The following VRK2 variants were observed in gnomAD, a reference collection of about 807,000 sequenced individuals.
The protein encoded by VRK2 is VRK serine/threonine kinase 2.
VRK2 carries 60 observed loss-of-function variants against 57.6 expected under a neutral mutation model. That is an observed-to-expected ratio of 1.04 (90% CI 0.85 to 1.29). The LOEUF is 1.29. Among genes scored for constraint, VRK2 ranks in the 50% most tolerant of loss-of-function variants. VRK2 has a pLI of 0.00. For synonymous variants in VRK2, 231 were observed against 199.2 expected, an observed-to-expected ratio of 1.16 and a Z score of -1.35; for missense variants, 705 against 588.1, an observed-to-expected ratio of 1.20 and a Z score of -2.06.
chr2:57,913,296 A>G (rs1471507396), intron 1 of VRK2, among the ~76,000 whole-genome samples: 1 of 152,206 alleles, frequency 6.6e-6, no homozygotes, highest in Non-Finnish European at 1.5e-5. Context: ...CCTAGTTGGT[A>G]ATAGGTATTT....
intron 1 of VRK2, among the ~76,000 whole-genome samples, chr2:57,928,175 G>C (rs1670603165): frequency 6.6e-6 from 1 of 151,926 alleles, no homozygotes; most frequent in Non-Finnish European, 1.5e-5. Context: ...GCCCTTCTGA[G>C]GCTATCTGGC....
chr2:57,941,698 G>A (rs193236128), intron 1 of VRK2, among the ~76,000 whole-genome samples: 42 of 152,222 alleles, frequency 2.8e-4, no homozygotes, highest in Non-Finnish European at 1.5e-4. Flanking sequence ...CAATCATTAT[G>A]TGCATATTAA....
chr2:58,154,759 G>A (rs1290497368), intron 12 of VRK2: 1 of 716,938 alleles, frequency 1.4e-6, no homozygotes, highest in Non-Finnish European at 2.6e-6. Flanking sequence ...TCCAGTTTAG[G>A]TAGAAGCTTA....
At chr2:57,929,703 C>G (rs1670657225) in intron 1 of VRK2, among the ~76,000 whole-genome samples, 1 of 152,138 alleles carries the variant, frequency 6.6e-6, no homozygotes, top group Admixed American at 6.6e-5. Flanking sequence ...GAGTCCTACT[C>G]AAGGCCCACA....
At chr2:58,159,125 A>G (rs1684594177) in intron 12 of VRK2, 2 of 382,142 alleles carry the variant, frequency 5.2e-6, no homozygotes, top group African/African-American at 4.2e-5. Context: ...GTGGTTTAAA[A>G]GAACCACTCA....
chr2:57,946,321 GT>G (rs199644247), intron 1 of VRK2, among the ~76,000 whole-genome samples: 5 of 150,010 alleles, frequency 3.3e-5, no homozygotes, highest in African/African-American at 7.3e-5. Context: ...TGTCTCCTCT[GT>G]TTTTTTTTGG....
intron 1 of VRK2, among the ~76,000 whole-genome samples, chr2:58,016,225 T>C (rs1401511885): frequency 6.6e-6 from 1 of 151,296 alleles, no homozygotes; most frequent in Non-Finnish European, 1.5e-5. Context: ...TTATTGTATG[T>C]AAAGGAGTAA....
intron 7 of VRK2, among the ~76,000 whole-genome samples, chr2:58,108,480 C>A (rs1253670963): frequency 6.6e-6 from 1 of 152,124 alleles, no homozygotes; most frequent in Non-Finnish European, 1.5e-5. Flanking sequence ...GTTTCCAAGG[C>A]TCTCTGGAAA....
chr2:58,051,233 C>G (rs1038971707), intron 2 of VRK2, among the ~76,000 whole-genome samples: 15 of 152,112 alleles, frequency 9.9e-5, no homozygotes, highest in Non-Finnish European at 2.1e-4. Context: ...TCTCTAGTAT[C>G]TGAACTTTAG....
chr2:58,050,937 T>C (rs1261831093), intron 2 of VRK2, among the ~76,000 whole-genome samples: 1 of 151,992 alleles, frequency 6.6e-6, no homozygotes, highest in Non-Finnish European at 1.5e-5. Context: ...CTCCACCTCC[T>C]AGGTTCAAGC....
chr2:57,969,430 T>C (rs978170235), intron 1 of VRK2, among the ~76,000 whole-genome samples: 7 of 152,078 alleles, frequency 4.6e-5, no homozygotes, highest in Non-Finnish European at 1.0e-4. Context: ...TAAATTTAGT[T>C]ATTTTTTATT....
intron 2 of VRK2, among the ~76,000 whole-genome samples, chr2:58,061,720 A>T (rs902573268): frequency 6.6e-6 from 1 of 152,062 alleles, no homozygotes; most frequent in Non-Finnish European, 1.5e-5. Context: ...ATATAATATA[A>T]TGAGAATGCT....
At chr2:58,089,571 T>G in intron 6 of VRK2, 60 bp from the exon 7 acceptor site, 4 of 1,059,612 alleles carry the variant, frequency 3.8e-6, no homozygotes, top group Non-Finnish European at 5.5e-6. Context: ...TTCAAAATGT[T>G]GAAATTGATC....
At chr2:58,144,045 A>AC (rs1681746892) in intron 11 of VRK2, among the ~76,000 whole-genome samples, 1 of 151,922 alleles carries the variant, frequency 6.6e-6, no homozygotes, top group African/African-American at 2.4e-5. Context: ...ACACACACAC[A>AC]CACAATGGAA....
intron 1 of VRK2, among the ~76,000 whole-genome samples, chr2:57,929,347 C>A (rs1558498186): frequency 6.6e-6 from 1 of 152,162 alleles, no homozygotes; most frequent in African/African-American, 2.4e-5. Context: ...CTGCCTTAGG[C>A]CTATGGTGAG....
At chr2:58,017,525 T>G (rs1280068070) in intron 1 of VRK2, among the ~76,000 whole-genome samples, 4 of 152,238 alleles carry the variant, frequency 2.6e-5, no homozygotes, top group African/African-American at 9.6e-5. Context: ...CTTCATGGCC[T>G]TCTTTCCTGT....
At chr2:58,026,604 A>C (rs1403198391) in intron 2 of VRK2, 1 of 152,220 alleles carries the variant, frequency 6.6e-6, no homozygotes, top group Non-Finnish European at 1.5e-5. Flanking sequence ...CCTTAATGGA[A>C]TAAAGTACCA....
intron 7 of VRK2, among the ~76,000 whole-genome samples, chr2:58,091,218 G>T (rs184453538): frequency 2.6e-5 from 4 of 152,222 alleles, no homozygotes; most frequent in African/African-American, 9.6e-5. Flanking sequence ...GCTTTTGGAT[G>T]ATAAGGATTG....
intron 8 of VRK2, among the ~76,000 whole-genome samples, chr2:58,124,028 TCACTTTGATGGTATTGGAAA>T (rs1165967693): frequency 6.6e-6 from 1 of 152,198 alleles, no homozygotes; most frequent in Non-Finnish European, 1.5e-5. Flanking sequence ...TTATTTAAAC[TCACTTTGATGGTATTGGAAA>T]CACATTTGCA....
Sources: gnomAD v4.1 joint callset for allele counts (sites outside exome capture counted in the v4.1 genomes callset) on GRCh38, gnomAD v4.1.1 for gene constraint, MANE v1.5 for transcripts, NCBI Gene and HGNC (gene_info 2026-07-23, HGNC 2026-07-21) for gene names.